CTNNA2: variants seen among roughly 807,000 people sequenced by gnomAD.
CTNNA2 encodes catenin alpha-2.
In CTNNA2, 42 loss-of-function variants were observed where a neutral mutation model predicts 101.0. The ratio of observed to expected loss-of-function variants is 0.42; its 90% CI spans 0.32 to 0.54. The LOEUF is 0.54. CTNNA2 is among the 20% of genes least tolerant of loss of function. The pLI is 0.14. For missense variants in CTNNA2, 871 were observed against 1,223.1 expected, an observed-to-expected ratio of 0.71 and a Z score of 4.29; for synonymous variants, 450 against 456.4, an observed-to-expected ratio of 0.99 and a Z score of 0.18.
chr2:79,392,327 C>T (rs1035567735), intron 4 of CTNNA2, among the ~76,000 whole-genome samples: 2 of 152,072 alleles, frequency 1.3e-5, no homozygotes, highest in Non-Finnish European at 2.9e-5. Flanking sequence ...GGTTCAAAAC[C>T]GTGTTCTTTT....
At position 80,648,560 on chromosome 2, in the gene CTNNA2, G is replaced by A. The variant is rs1558680292; in HGVS notation, c.*688G>A. The stretch of plus-strand genomic sequence containing the variant: ...AATTAAAATCCTTCTGGGGGCACTG[G>A]AAGCACAATACGGTGACCAATCTTG... On this transcript the variant is annotated 3_prime_UTR_variant, in exon 19 of 19. Coordinates refer to ENST00000402739, the MANE Select transcript of CTNNA2 (RefSeq NM_001282597.3). 1 of 152,314 alleles carries A rather than the reference G, an allele frequency of 6.6e-6. No individual in the cohort carries two copies. Among genetic ancestry groups the A allele is most frequent in the Non-Finnish European group, 1.5e-5 (1 of 67,984 alleles). 9.4% of individuals were successfully genotyped at this position (152,314 alleles called of 1,614,324 possible). A position where few individuals can be genotyped will look rare whatever the true frequency, so the allele number is the denominator to read the frequency against.
intron 7 of CTNNA2, among the ~76,000 whole-genome samples, chr2:80,086,697 G>A (rs1045765076): frequency 6.6e-6 from 1 of 152,026 alleles, no homozygotes; most frequent in Non-Finnish European, 1.5e-5. Context: ...TATAGGCAAA[G>A]GCTTGAAATG....
At chr2:79,777,829 T>C (rs1674098651) in intron 3 of CTNNA2, among the ~76,000 whole-genome samples, 1 of 151,878 alleles carries the variant, frequency 6.6e-6, no homozygotes, top group Non-Finnish European at 1.5e-5. Context: ...GGTGAATAGA[T>C]ATTTGTAAAG....
At chr2:79,948,830 T>C (rs944419982) in intron 7 of CTNNA2, among the ~76,000 whole-genome samples, 44 of 152,114 alleles carry the variant, frequency 2.9e-4, no homozygotes, top group African/African-American at 9.4e-4. Context: ...TAGCCGGGCG[T>C]GGTGACGGGT....
At chr2:80,207,430 G>A (rs187548210) in intron 7 of CTNNA2, among the ~76,000 whole-genome samples, 1 of 152,340 alleles carries the variant, frequency 6.6e-6, no homozygotes, top group East Asian at 1.9e-4. Context: ...AAAACCGCAT[G>A]GAGACTGGAG....
At chr2:80,220,551 G>A (rs984231751) in intron 7 of CTNNA2, among the ~76,000 whole-genome samples, 2 of 152,244 alleles carry the variant, frequency 1.3e-5, no homozygotes, top group Middle Eastern at 3.4e-3. Flanking sequence ...GCAAGACCTC[G>A]GCTCTATTAA....
chr2:79,338,648 A>T (rs577239437), intron 3 of CTNNA2, among the ~76,000 whole-genome samples: 8 of 66,388 alleles, frequency 1.2e-4, no homozygotes, highest in African/African-American at 4.2e-4. Flanking sequence ...TTCTTCAAAG[A>T]TTCCTCTGGC....
intron 9 of CTNNA2, among the ~76,000 whole-genome samples, chr2:80,452,111 T>A (rs1254350874): frequency 2.6e-5 from 4 of 152,218 alleles, no homozygotes; most frequent in Admixed American, 6.5e-5. Context: ...TACCACAAGA[T>A]ATTTATAAAT....
chr2:80,470,686 C>T (rs946440145), intron 9 of CTNNA2, among the ~76,000 whole-genome samples: 1 of 152,178 alleles, frequency 6.6e-6, no homozygotes, highest in Non-Finnish European at 1.5e-5. Flanking sequence ...TGAGGAGATG[C>T]TGTCCAAGAC....
chr2:79,842,535 T>A (rs1679901725), intron 3 of CTNNA2, among the ~76,000 whole-genome samples: 1 of 152,164 alleles, frequency 6.6e-6, no homozygotes, highest in Non-Finnish European at 1.5e-5. Context: ...TCCACTCCCT[T>A]GTGTTATAAG....
In CTNNA2 at chr2:80,484,937, T is replaced by C. The variant is rs559009718; in HGVS notation, c.1291-60045T>C. The stretch of plus-strand genomic sequence containing the variant: ...AGGAGAATGGCGTGAACCTGGGAGG[T>C]GGAGCTTGCAGTGAGCCGAGACTGT... On this transcript the variant is annotated intron_variant, in intron 9 of 18. Transcript: ENST00000402739. Among the ~76,000 whole-genome samples, 639 of 151,956 alleles carry C rather than the reference T, an allele frequency of 4.2e-3. 6 individuals are homozygous for C. The highest frequency in any genetic ancestry group is 0.014 in the African/African-American group (583 of 41,440).
chr2:79,955,683 T>A (rs1689173735), intron 7 of CTNNA2, among the ~76,000 whole-genome samples: 1 of 152,152 alleles, frequency 6.6e-6, no homozygotes, highest in South Asian at 2.1e-4. Flanking sequence ...AGCTAATTTT[T>A]TTTTGATTTT....
intron 7 of CTNNA2, among the ~76,000 whole-genome samples, chr2:79,937,034 T>G (rs1687839456): frequency 6.6e-6 from 1 of 152,198 alleles, no homozygotes; most frequent in African/African-American, 2.4e-5. Context: ...GCCATTGACC[T>G]CCAGATGTCT....
chr2:80,403,677 G>C (rs1678790452), intron 8 of CTNNA2, among the ~76,000 whole-genome samples: 1 of 152,112 alleles, frequency 6.6e-6, no homozygotes, highest in African/African-American at 2.4e-5. Context: ...ACTGTGCCCA[G>C]AACAGGCATT....
intron 14 of CTNNA2, among the ~76,000 whole-genome samples, chr2:80,584,515 C>G (rs1346322366): frequency 2.0e-5 from 3 of 151,652 alleles, no homozygotes; most frequent in African/African-American, 7.3e-5. Context: ...GTGATCTTAC[C>G]CTTTGATCCT....
chr2:79,463,341 G>T (rs1293667377), intron 4 of CTNNA2, among the ~76,000 whole-genome samples: 2 of 150,900 alleles, frequency 1.3e-5, no homozygotes, highest in African/African-American at 2.4e-5. Context: ...CCAGGAGGTG[G>T]AGGCTGCAGT....
chr2:79,729,997 C>T, intron 2 of CTNNA2, among the ~76,000 whole-genome samples: 1 of 152,094 alleles, frequency 6.6e-6, no homozygotes, highest in East Asian at 1.9e-4. Flanking sequence ...TAAAATTATG[C>T]AGCCACATCA....
At chr2:80,356,010 G>T (rs1221013819) in intron 7 of CTNNA2, among the ~76,000 whole-genome samples, 1 of 151,850 alleles carries the variant, frequency 6.6e-6, no homozygotes, top group Non-Finnish European at 1.5e-5. Flanking sequence ...CCACCTGCTG[G>T]ATCCCTCTTT....
At chr2:80,346,575 CT>C (rs1364596646) in intron 7 of CTNNA2, among the ~76,000 whole-genome samples, 1 of 152,168 alleles carries the variant, frequency 6.6e-6, no homozygotes, top group South Asian at 2.1e-4. Context: ...ACTGTATCAC[CT>C]TTGTAGCTTT....
Sources: gnomAD v4.1 joint callset for allele counts (sites outside exome capture counted in the v4.1 genomes callset) on GRCh38, gnomAD v4.1.1 for gene constraint, MANE v1.5 for transcripts, NCBI Gene and HGNC (gene_info 2026-07-23, HGNC 2026-07-21) for gene names.